The following CRYBA4 variants were observed in gnomAD, a reference collection of about 807,000 sequenced individuals.
CRYBA4 encodes beta-crystallin A4.
CRYBA4 carries 30 observed loss-of-function variants against 31.7 expected under a neutral mutation model. The observed-to-expected ratio is 0.95, with a 90% CI of 0.71 to 1.28. The LOEUF (loss-of-function observed/expected upper bound fraction) is 1.28. Ranked by LOEUF, CRYBA4 falls within the 50% of genes most tolerant of loss-of-function variation. CRYBA4 has a pLI of 0.00. For synonymous variants in CRYBA4, 102 were observed against 102.3 expected, an observed-to-expected ratio of 1.00 and a Z score of 0.02; for missense variants, 225 against 260.7, an observed-to-expected ratio of 0.86 and a Z score of 0.94.
chr22:26,591,341 C>A, the CRYBA4 span, among the ~76,000 whole-genome samples: 2 of 151,968 alleles, frequency 1.3e-5, no homozygotes, highest in Non-Finnish European at 2.9e-5. Flanking sequence ...TGTGGTGGTA[C>A]ATGCCTGTAG....
At chr22:26,598,204 T>C in the CRYBA4 span, among the ~76,000 whole-genome samples, 1 of 152,106 alleles carries the variant, frequency 6.6e-6, no homozygotes, top group Non-Finnish European at 1.5e-5. Flanking sequence ...TTTTCAACAC[T>C]GGCTAATCTC....
At chr22:26,622,070 A>G in intron 1 of CRYBA4, 84 bp downstream of exon 1, 1 of 721,348 alleles carries the variant, frequency 1.4e-6, no homozygotes, top group Non-Finnish European at 1.7e-6. Context: ...CCCCAGTCCT[A>G]GGGATGTCAC....
chr22:26,611,766 G>A, the CRYBA4 span, among the ~76,000 whole-genome samples: 2 of 152,078 alleles, frequency 1.3e-5, no homozygotes, highest in African/African-American at 4.8e-5. Flanking sequence ...GAGCCACCGC[G>A]CCCGGCCGGG....
the CRYBA4 span, among the ~76,000 whole-genome samples, chr22:26,601,184 AC>A: frequency 6.6e-6 from 1 of 152,186 alleles, no homozygotes; most frequent in African/African-American, 2.4e-5. Context: ...ACAGAGCCTT[AC>A]GTTTACCTAG....
the CRYBA4 span, among the ~76,000 whole-genome samples, chr22:26,590,314 T>C: frequency 6.7e-6 from 1 of 150,264 alleles, no homozygotes; most frequent in African/African-American, 2.5e-5. Flanking sequence ...TGGAAGCCCC[T>C]GTCTGCTCGC....
At chr22:26,622,121 A>AGGATG in intron 1 of CRYBA4, 135 bp downstream of exon 1, 1 of 276,590 alleles carries the variant, frequency 3.6e-6, no homozygotes, top group Non-Finnish European at 5.7e-6. Flanking sequence ...ACCAAGGATG[A>AGGATG]GCCCCAACCA....
In CRYBA4 at chr22:26,628,437, G is replaced by T. The variant is rs532051646; in HGVS notation, c.443+7G>T. On this transcript the variant is annotated splice_region_variant and intron_variant, in intron 5 of 5. Transcript: ENST00000354760. ...TCCACGTCCACTCTGGGGCGTAAGT[G>T]TATTCAAGGCTCTACCTGGCAGGGG... 1.9e-6 allele frequency: 3 copies of T among 1,614,030 alleles called. No individual in the cohort carries two copies. The highest frequency in any genetic ancestry group is 2.2e-5 in the East Asian group (1 of 44,876).
the CRYBA4 span, among the ~76,000 whole-genome samples, chr22:26,616,562 T>TG: frequency 6.6e-6 from 1 of 152,126 alleles, no homozygotes; most frequent in Non-Finnish European, 1.5e-5. Context: ...CTTTTGACCA[T>TG]GCGGTTCCCT....
At chr22:26,602,159 G>C in the CRYBA4 span, 13 of 1,085,896 alleles carry the variant, frequency 1.2e-5, no homozygotes, top group Non-Finnish European at 1.8e-5. Flanking sequence ...GACCACTGCT[G>C]TCTAGTCTGG....
At chr22:26,603,586 C>T in the CRYBA4 span, among the ~76,000 whole-genome samples, 1 of 151,780 alleles carries the variant, frequency 6.6e-6, no homozygotes, top group African/African-American at 2.4e-5. Flanking sequence ...GTCATGGCTA[C>T]TCAACTCACG....
chr22:26,607,019 C>CA, the CRYBA4 span, among the ~76,000 whole-genome samples: 2 of 111,962 alleles, frequency 1.8e-5, no homozygotes, highest in Non-Finnish European at 3.5e-5. Flanking sequence ...TATCCCTCTC[C>CA]TTTTTTTTTT....
the CRYBA4 span, among the ~76,000 whole-genome samples, chr22:26,591,499 T>A: frequency 1.3e-5 from 2 of 149,492 alleles, no homozygotes; most frequent in African/African-American, 5.0e-5. Context: ...TCCCAGCACT[T>A]TGGGAGGCCG....
chr22:26,617,003 T>G (rs964694545), upstream of CRYBA4, among the ~76,000 whole-genome samples: 2 of 152,252 alleles, frequency 1.3e-5, no homozygotes, highest in African/African-American at 4.8e-5. Context: ...AGATGCCCAA[T>G]TAACATTTGT....
intron 4 of CRYBA4, 57 bp from the exon 5 acceptor site, chr22:26,628,231 G>C: frequency 6.2e-7 from 1 of 1,610,800 alleles, no homozygotes; most frequent in Non-Finnish European, 8.5e-7. Context: ...GCCAGGAGAG[G>C]CTCCTGGGTT....
chr22:26,615,527 T>C, the CRYBA4 span, among the ~76,000 whole-genome samples: 1 of 152,060 alleles, frequency 6.6e-6, no homozygotes, highest in Non-Finnish European at 1.5e-5. Context: ...CTTTTCTTTT[T>C]TTTTTTGATG....
chr22:26,621,059 CACAAGTATGTATGTATGAGGG>C (rs1929515290), upstream of CRYBA4, among the ~76,000 whole-genome samples: 1 of 152,164 alleles, frequency 6.6e-6, no homozygotes, highest in Non-Finnish European at 1.5e-5. Flanking sequence ...CCATTTTACA[CACAAGTATGTATGTATGAGGG>C]ACCTCTTAGG....
intron 5 of CRYBA4, among the ~76,000 whole-genome samples, chr22:26,629,423 A>G (rs1203511367): frequency 6.6e-6 from 1 of 152,016 alleles, no homozygotes; most frequent in Non-Finnish European, 1.5e-5. Flanking sequence ...ACCAGACACC[A>G]ATCCTTGTCC....
At chr22:26,627,359 C>CCCTCCCTCCCTCCCTCCCTCCCTTCTTT (rs1404229613) in intron 4 of CRYBA4, among the ~76,000 whole-genome samples, 9 of 41,864 alleles carry the variant, frequency 2.1e-4, no homozygotes, top group Non-Finnish European at 3.3e-4. Flanking sequence ...CTCCCTCCCT[C>CCCTCCCTCCCTCCCTCCCTCCCTTCTTT]CTTTCTTTCT....
the CRYBA4 span, among the ~76,000 whole-genome samples, chr22:26,614,411 A>T: frequency 0.013 from 1,970 of 152,282 alleles, 21 homozygotes; most frequent in Non-Finnish European, 0.018. Flanking sequence ...GCCGACGCTT[A>T]GGAAAAATAG....
Sources: allele counts gnomAD v4.1 joint callset (sites outside exome capture counted in the v4.1 genomes callset), GRCh38; gene constraint gnomAD v4.1.1; transcripts MANE v1.5; gene names NCBI Gene and HGNC (gene_info 2026-07-23, HGNC 2026-07-21).